Variants in PCDHA5 observed in about 807,000 individuals in gnomAD.
The protein encoded by PCDHA5 is protocadherin alpha-5.
A neutral mutation model predicts 61.6 loss-of-function variants in PCDHA5; 43 were observed. The observed-to-expected ratio is 0.70, with a 90% CI of 0.55 to 0.90. The LOEUF (loss-of-function observed/expected upper bound fraction) is 0.90. Ranked by LOEUF, PCDHA5 falls within the 40% of genes least tolerant of loss-of-function variation. The pLI, the probability that PCDHA5 is intolerant of heterozygous loss-of-function variation, is 0.00. For synonymous variants in PCDHA5, 627 were observed against 543.9 expected (o/e 1.15, Z -2.13); for missense variants, 1,298 against 1,222.7 (o/e 1.06, Z -0.92).
At chr5:140,949,144 T>C (rs2094347159) in intron 1 of PCDHA5, among the ~76,000 whole-genome samples, 1 of 151,806 alleles carries the variant, frequency 6.6e-6, no homozygotes, top group Non-Finnish European at 1.5e-5. Context: ...TTGTTGCTTT[T>C]GATTTCTAAT....
In PCDHA5 at chr5:140,882,159, T is replaced by C. The variant is rs1017946710; in HGVS notation, c.2352+58032T>C. 76 of 1,509,284 alleles carry C rather than the reference T, an allele frequency of 5.0e-5. No individual in the cohort carries two copies. The African/African-American group carries it at 8.9e-4, about 18-fold the overall frequency. 93.5% of individuals were successfully genotyped at this position (1,509,284 alleles called of 1,614,324 possible). On this transcript the variant is annotated intron_variant, in intron 1 of 3. Transcript: ENST00000529859. ...AAAATATAGCAGAAAGCGGAATACC[T>C]CTTGCGAATCCTTCCGCACTAGGAA...
chr5:140,903,172 C>T (rs2070066511), intron 1 of PCDHA5, among the ~76,000 whole-genome samples: 1 of 152,152 alleles, frequency 6.6e-6, no homozygotes, highest in Non-Finnish European at 1.5e-5. Flanking sequence ...GGTTTACATT[C>T]CCACCAATAG....
At chr5:140,837,815 T>C (rs903227742) in intron 1 of PCDHA5, among the ~76,000 whole-genome samples, 3 of 151,770 alleles carry the variant, frequency 2.0e-5, no homozygotes, top group Admixed American at 2.0e-4. Flanking sequence ...TAGCTGGGAA[T>C]ACAGTTTGCA....
intron 1 of PCDHA5, chr5:140,870,834 C>G: frequency 6.2e-7 from 1 of 1,613,806 alleles, no homozygotes; most frequent in Non-Finnish European, 8.5e-7. Context: ...GCGCAGTTAA[C>G]AAGCTAGTAC....
At chr5:140,917,637 A>T (rs1257346290) in intron 1 of PCDHA5, among the ~76,000 whole-genome samples, 1 of 152,192 alleles carries the variant, frequency 6.6e-6, no homozygotes, top group Non-Finnish European at 1.5e-5. Context: ...TTAGCTAGTT[A>T]TCCCAGCAAT....
At chr5:140,876,449 G>T (rs1396307044) in intron 1 of PCDHA5, 1 of 1,613,880 alleles carries the variant, frequency 6.2e-7, no homozygotes, top group Non-Finnish European at 8.5e-7. Context: ...ATTGATAAAG[G>T]GATTCCTTCC....
chr5:140,956,644 C>G (rs2095298403), intron 1 of PCDHA5, among the ~76,000 whole-genome samples: 1 of 152,096 alleles, frequency 6.6e-6, no homozygotes, highest in Non-Finnish European at 1.5e-5. Flanking sequence ...GTTTTGGTAT[C>G]AGGATGATGC....
chr5:140,857,243 A>G (rs2044443964), intron 1 of PCDHA5: 1 of 1,598,366 alleles, frequency 6.3e-7, no homozygotes, highest in African/African-American at 1.3e-5. Flanking sequence ...GCTGGTGTCC[A>G]CCTACAAGAA....
chr5:140,830,385 C>G, intron 1 of PCDHA5: 2 of 1,614,120 alleles, frequency 1.2e-6, no homozygotes, highest in Non-Finnish European at 1.7e-6. Flanking sequence ...GAGGGCCCAC[C>G]CAAGATGGAT....
Position 140,823,245 on chromosome 5 carries a change from C to A in PCDHA5, c.1470C>A (p.Ser490=). Residue 490 remains serine (S), a synonymous_variant, in exon 1 of 4, where the codon TCC becomes TCA. Transcript: ENST00000529859. ...DADAQENALV[S]YSLVERRVGE... ...ACGCGCAGGAGAACGCCCTGGTGTC[C>A]TACTCGCTGGTGGAGCGGCGGGTGG... is the stretch of plus-strand genomic sequence containing the variant. The A allele has an allele frequency of 1.2e-6, 2 of 1,613,492 alleles. No homozygotes were observed. The highest frequency in any genetic ancestry group is 1.7e-6 in the Non-Finnish European group (2 of 1,179,796).
intron 1 of PCDHA5, among the ~76,000 whole-genome samples, chr5:140,963,972 A>G (rs1233467161): frequency 2.0e-5 from 3 of 152,216 alleles, no homozygotes; most frequent in Non-Finnish European, 4.4e-5. Flanking sequence ...GACTGACTCC[A>G]AAGTCTATAT....
rs1554128681 is a variant in PCDHA5, at chr5:140,822,499, G to T, written c.724G>T (p.Asp242Tyr). 2 of 1,613,848 alleles carry T rather than the reference G, an allele frequency of 1.2e-6. No individual in the cohort carries two copies. Among genetic ancestry groups the T allele is most frequent in the South Asian group, 1.1e-5 (1 of 91,052 alleles). ...TGCTAATGATAACGCCCCAGAATTT[G>T]ATAAATCCATTTATAATGTCAGATT... Reference protein sequence around the residue: ...LDANDNAPEFDKSIYNVRLLE... With the variant: ...LDANDNAPEFYKSIYNVRLLE... Residue 242 changes from aspartate (D) to tyrosine (Y), a missense_variant, in exon 1 of 4, where the codon GAT becomes TAT. By Grantham distance (160) the Asp-to-Tyr change is radical. Transcript: ENST00000529859.
chr5:140,916,060 C>G (rs1554197265), intron 1 of PCDHA5, among the ~76,000 whole-genome samples: 1 of 152,174 alleles, frequency 6.6e-6, no homozygotes, highest in Non-Finnish European at 1.5e-5. Flanking sequence ...GGTGCCTCTC[C>G]CTGTGGCCAG....
chr5:140,945,048 A>G (rs2093731802), intron 1 of PCDHA5, among the ~76,000 whole-genome samples: 1 of 152,182 alleles, frequency 6.6e-6, no homozygotes, highest in South Asian at 2.1e-4. Context: ...GGTCTTATAT[A>G]AAGAAAACCC....
At chr5:140,963,517 T>C (rs2095769422) in intron 1 of PCDHA5, among the ~76,000 whole-genome samples, 1 of 152,238 alleles carries the variant, frequency 6.6e-6, no homozygotes, top group East Asian at 1.9e-4. Flanking sequence ...GGGGTTCTCA[T>C]AACAGAAGTC....
chr5:140,966,903 A>G (rs1554228870), intron 1 of PCDHA5: 2 of 1,599,926 alleles, frequency 1.3e-6, no homozygotes, highest in South Asian at 2.2e-5. Context: ...CAGCTGCGAT[A>G]CTCTGTGCCA....
At chr5:140,898,383 G>A (rs1416953064) in intron 1 of PCDHA5, among the ~76,000 whole-genome samples, 1 of 152,164 alleles carries the variant, frequency 6.6e-6, no homozygotes, top group South Asian at 2.1e-4. Flanking sequence ...GTAAGGAAGG[G>A]ATCCAGTTTC....
Position 140,836,196 on chromosome 5 carries a change from G to C in PCDHA5, c.2352+12069G>C. The C allele has an allele frequency of 6.2e-6, 10 of 1,613,832 alleles. 1 individual carries two copies. The highest frequency in any genetic ancestry group is 8.5e-6 in the Non-Finnish European group (10 of 1,179,816). On this transcript the variant is annotated intron_variant, in intron 1 of 3. Transcript: ENST00000529859. ...AGTTGACGCTGACTCAGGCTACAAC[G>C]CGTGGCTTTCGTATGAGTTGCAACC...
Position 140,960,269 on chromosome 5 carries a change from G to A in PCDHA5, c.2353-18680G>A, listed in dbSNP as rs148980300. On this transcript the variant is annotated intron_variant, in intron 1 of 3. Transcript: ENST00000529859. ...CTTCCTGGAGCTTCTGATAAATTCC[G>A]TCACCTTTTTGGGACCCAGTTTCTT... is the stretch of plus-strand genomic sequence containing the variant. Among the ~76,000 whole-genome samples, 355 of 152,162 alleles carry A rather than the reference G, an allele frequency of 2.3e-3. 1 individual carries two copies. The highest frequency in any genetic ancestry group is 7.0e-3 in the African/African-American group (290 of 41,548).
Sources: gnomAD v4.1 joint callset for allele counts (sites outside exome capture counted in the v4.1 genomes callset) on GRCh38, gnomAD v4.1.1 for gene constraint, MANE v1.5 for transcripts, NCBI Gene and HGNC (gene_info 2026-07-23, HGNC 2026-07-21) for gene names.